Variants in IL1RAPL1 observed in about 807,000 individuals in gnomAD.
IL1RAPL1 encodes interleukin 1 receptor accessory protein like 1.
IL1RAPL1 carries 3 observed loss-of-function variants against 48.4 expected under a neutral mutation model. That is an observed-to-expected ratio of 0.06 (90% confidence interval 0.03 to 0.16). The LOEUF (loss-of-function observed/expected upper bound fraction) is 0.16, where lower values mean the gene tolerates loss of function less well. IL1RAPL1 is among the 10% of genes least tolerant of loss of function. The pLI is 1.00. For missense variants in IL1RAPL1, 349 were observed against 530.6 expected (o/e 0.66, Z 3.36); for synonymous variants, 185 against 187.7 (o/e 0.99, Z 0.12).
At chrX:28,744,430 T>C (rs1235094625) in intron 1 of IL1RAPL1, among the ~76,000 whole-genome samples, 1 of 111,241 alleles carries the variant, frequency 9.0e-6, no homozygotes, top group Non-Finnish European at 1.9e-5. Flanking sequence ...GTCACACAGG[T>C]CTTAAATTTT....
At chrX:28,886,030 C>T (rs1922619188) in intron 2 of IL1RAPL1, among the ~76,000 whole-genome samples, 1 of 110,422 alleles carries the variant, frequency 9.1e-6, no homozygotes, top group Non-Finnish European at 1.9e-5. Flanking sequence ...TTTTCAATTC[C>T]TTTATACTGT....
chrX:29,211,427 T>C (rs1018522865), intron 2 of IL1RAPL1, among the ~76,000 whole-genome samples: 1 of 111,662 alleles, frequency 9.0e-6, no homozygotes, highest in African/African-American at 3.3e-5. Context: ...AATGTATTAT[T>C]GAAATTGGGG....
At chrX:28,690,515 G>T (rs1034283686) in intron 1 of IL1RAPL1, among the ~76,000 whole-genome samples, 6 of 111,622 alleles carry the variant, frequency 5.4e-5, no homozygotes, top group Admixed American at 1.9e-4. Flanking sequence ...CAGCTCTCAT[G>T]ATTGCTGTAC....
intron 6 of IL1RAPL1, among the ~76,000 whole-genome samples, chrX:29,734,795 A>T (rs1928005461): frequency 9.0e-6 from 1 of 111,325 alleles, no homozygotes; most frequent in Non-Finnish European, 1.9e-5. Flanking sequence ...AGAGCTGAAT[A>T]GAGATTACAA....
intron 6 of IL1RAPL1, among the ~76,000 whole-genome samples, chrX:29,872,449 C>A (rs1931817722): frequency 1.8e-5 from 2 of 111,124 alleles, no homozygotes; most frequent in South Asian, 7.7e-4. Flanking sequence ...GTTTGTGTCT[C>A]CCCCAAAATT....
rs1227487154 is a variant in IL1RAPL1 at position 29,852,273 on chromosome X, A to G, written c.779-65191A>G. ...GTACTCCCTCTTAATGAATAAGCTC[A>G]TTGAAGAAACTAAATTGCAGATCAG... On this transcript the variant is annotated intron_variant, in intron 6 of 10. Transcript: ENST00000378993. Among the ~76,000 whole-genome samples the G allele has an allele frequency of 5.3e-5, 6 of 112,507 alleles. 1 individual carries two copies. The Admixed American group carries it at 5.6e-4, about 11-fold the overall frequency.
intron 2 of IL1RAPL1, among the ~76,000 whole-genome samples, chrX:29,219,846 A>T (rs1930940838): frequency 9.0e-6 from 1 of 111,452 alleles, no homozygotes; most frequent in Admixed American, 9.7e-5. Context: ...TCTCCAATTC[A>T]AAAGCATAGA....
intron 2 of IL1RAPL1, among the ~76,000 whole-genome samples, chrX:28,962,412 T>C (rs1924803371): frequency 8.9e-6 from 1 of 111,754 alleles, no homozygotes; most frequent in Admixed American, 9.5e-5. Context: ...TCTTTTCCTT[T>C]TACTCTCTCA....
chrX:28,702,639 A>G lies in IL1RAPL1; in HGVS notation c.-24-86681A>G, dbSNP rs112382391. ...CTGTTGCCTAAGTCACTGTTAATGT[A>G]AAATAAAGTCAGAATGCTTTTGACT... On this transcript the variant is annotated intron_variant, in intron 1 of 10. Coordinates refer to ENST00000378993, the MANE Select transcript of IL1RAPL1 (RefSeq NM_014271.4). Among the ~76,000 whole-genome samples, 796 of 111,851 alleles carry G rather than the reference A, an allele frequency of 7.1e-3. 12 individuals carry two copies. Among genetic ancestry groups the G allele is most frequent in the African/African-American group, 0.024 (741 of 30,887 alleles).
At chrX:28,969,188 T>G (rs1924995082) in intron 2 of IL1RAPL1, among the ~76,000 whole-genome samples, 1 of 112,233 alleles carries the variant, frequency 8.9e-6, no homozygotes. Flanking sequence ...TAGTTATTTT[T>G]ATTTATTTAT....
At chrX:28,806,759 G>A (rs892692204) in intron 2 of IL1RAPL1, among the ~76,000 whole-genome samples, 2 of 111,442 alleles carry the variant, frequency 1.8e-5, no homozygotes, top group Admixed American at 1.9e-4. Flanking sequence ...TTTGGGAGAC[G>A]TGCTTGGTTT....
chrX:29,158,064 C>T (rs756128743), intron 2 of IL1RAPL1, among the ~76,000 whole-genome samples: 2 of 110,865 alleles, frequency 1.8e-5, no homozygotes, highest in African/African-American at 3.3e-5. Context: ...AATTTCTTAC[C>T]TTGAGTCCTT....
chrX:29,933,323 TATA>T lies in IL1RAPL1; in HGVS notation c.1058-8323_1058-8321del, dbSNP rs796333821. Among the ~76,000 whole-genome samples, 12 of 111,290 alleles carry T rather than the reference TATA, an allele frequency of 1.1e-4. 1 individual carries two copies. In the South Asian group the frequency reaches 4.2e-3, roughly 39 times the overall value. On this transcript the variant is annotated intron_variant, in intron 8 of 10. Transcript: ENST00000378993. ...CGTTCTGCACATGTACCCCAGAACT[TATA>T]ATAAAAGAAAATGGAACAATAATTT... is the stretch of plus-strand genomic sequence containing the variant.
At chrX:28,727,607 TGTGCCA>T (rs1476304491) in intron 1 of IL1RAPL1, among the ~76,000 whole-genome samples, 1 of 104,809 alleles carries the variant, frequency 9.5e-6, no homozygotes, top group Non-Finnish European at 1.9e-5. Flanking sequence ...ATCCCTGTCT[TGTGCCA>T]GTTTTCAGAG....
At chrX:29,197,218 A>G (rs1221647504) in intron 2 of IL1RAPL1, among the ~76,000 whole-genome samples, 1 of 112,310 alleles carries the variant, frequency 8.9e-6, no homozygotes. Flanking sequence ...TCTGAAAGTT[A>G]TCATTCTTGC....
At chrX:28,703,922 T>C (rs1935331349) in intron 1 of IL1RAPL1, among the ~76,000 whole-genome samples, 1 of 111,951 alleles carries the variant, frequency 8.9e-6, no homozygotes. Context: ...GCTTGCTCTC[T>C]TTTCTGTTCA....
intron 6 of IL1RAPL1, among the ~76,000 whole-genome samples, chrX:29,764,999 C>G (rs969852072): frequency 8.9e-6 from 1 of 112,412 alleles, no homozygotes; most frequent in African/African-American, 3.2e-5. Context: ...ATGACTCTTA[C>G]AATAAACCAG....
At chrX:28,677,951 A>ACCTCCTTCTTTT (rs1452316405) in intron 1 of IL1RAPL1, among the ~76,000 whole-genome samples, 130 of 109,361 alleles carry the variant, frequency 1.2e-3, no homozygotes, top group Middle Eastern at 4.7e-3. Context: ...AGCCTCTACC[A>ACCTCCTTCTTTT]CCTCCTTCTT....
At chrX:29,053,489 C>T (rs1927143565) in intron 2 of IL1RAPL1, among the ~76,000 whole-genome samples, 1 of 112,014 alleles carries the variant, frequency 8.9e-6, no homozygotes, top group African/African-American at 3.2e-5. Context: ...ATTTACACTC[C>T]TACCAACAGT....
Sources: allele counts gnomAD v4.1 joint callset (sites outside exome capture counted in the v4.1 genomes callset), GRCh38; gene constraint gnomAD v4.1.1; transcripts MANE v1.5; gene names NCBI Gene and HGNC (gene_info 2026-07-23, HGNC 2026-07-21).